Variants in CTNNA1 observed in about 807,000 individuals in gnomAD.
CTNNA1 encodes catenin alpha-1.
In CTNNA1, 37 loss-of-function variants were observed where a neutral mutation model predicts 98.4. The observed-to-expected ratio is 0.38, with a 90% CI of 0.29 to 0.49. The LOEUF (loss-of-function observed/expected upper bound fraction) is 0.49, where lower values mean the gene tolerates loss of function less well. Among genes scored for constraint, CTNNA1 ranks in the 20% least tolerant of loss-of-function variants. The pLI is 0.95. For synonymous variants in CTNNA1, 404 were observed against 413.2 expected (o/e 0.98, Z 0.27); for missense variants, 761 against 1,147.2 (o/e 0.66, Z 4.86).
At chr5:138,891,797 A>C (rs1005573767) in intron 9 of CTNNA1, among the ~76,000 whole-genome samples, 1 of 152,138 alleles carries the variant, frequency 6.6e-6, no homozygotes, top group Non-Finnish European at 1.5e-5. Context: ...AAAAACAAAA[A>C]ACCATAAGAT....
chr5:138,828,384 G>A (rs1760934951), intron 7 of CTNNA1, among the ~76,000 whole-genome samples: 1 of 151,624 alleles, frequency 6.6e-6, no homozygotes, highest in Non-Finnish European at 1.5e-5. Context: ...TTTTTTAAAA[G>A]GCCATAGAAA....
intron 9 of CTNNA1, among the ~76,000 whole-genome samples, chr5:138,895,530 T>A (rs961166488): frequency 2.6e-5 from 4 of 151,714 alleles, no homozygotes; most frequent in African/African-American, 9.7e-5. Context: ...GTGGCTAGAA[T>A]GAAGCTTTCA....
At chr5:138,905,111 A>AAAAAATACATACATAC (rs1554105203) in intron 10 of CTNNA1, among the ~76,000 whole-genome samples, 2 of 139,270 alleles carry the variant, frequency 1.4e-5, no homozygotes, top group Non-Finnish European at 1.5e-5. Context: ...AAAAAAAAAA[A>AAAAAATACATACATAC]ATACATACAT....
chr5:138,772,901 TA>T (rs1286182109), intron 1 of CTNNA1, among the ~76,000 whole-genome samples: 4 of 129,980 alleles, frequency 3.1e-5, no homozygotes, highest in Admixed American at 8.2e-5. Context: ...TTTCATTTTA[TA>T]GATAGATGAA....
rs56935188 is a variant in CTNNA1, at chr5:138,916,177, C to CA, written c.1390-1551dup. On this transcript the variant is annotated intron_variant, in intron 10 of 17. Coordinates refer to ENST00000302763, the MANE Select transcript of CTNNA1 (RefSeq NM_001903.5). ...GAGATAGAAAGCAAATTAGTGGTTG[C>CA]AAAAAAAAAAAAAAGAAGGGGCTAA... Among the ~76,000 whole-genome samples the CA allele has an allele frequency of 4.6e-3, 527 of 115,062 alleles. 9 individuals carry two copies. Among genetic ancestry groups the CA allele is most frequent in the African/African-American group, 0.012 (330 of 28,036 alleles). 75.5% of individuals were successfully genotyped at this position (115,062 alleles called of 152,430 possible). A position where few individuals can be genotyped will look rare whatever the true frequency, so the allele number is the denominator to read the frequency against.
chr5:138,791,342 G>A (rs1756333828), intron 3 of CTNNA1, among the ~76,000 whole-genome samples: 1 of 151,940 alleles, frequency 6.6e-6, no homozygotes. Flanking sequence ...ATGTCGGCCG[G>A]GTGCGGTGGC....
At chr5:138,892,331 T>G (rs1372296000) in intron 9 of CTNNA1, among the ~76,000 whole-genome samples, 1 of 63,270 alleles carries the variant, frequency 1.6e-5, no homozygotes, top group Non-Finnish European at 3.6e-5. Flanking sequence ...TAGCTTAGTT[T>G]TTTTTTTTTT....
At chr5:138,863,501 C>A (rs10036722) in intron 7 of CTNNA1, among the ~76,000 whole-genome samples, 3 of 152,198 alleles carry the variant, frequency 2.0e-5, no homozygotes, top group African/African-American at 7.2e-5. Flanking sequence ...CTGCCCCAGG[C>A]CCCCAAAGTG....
At chr5:138,815,368 G>C (rs187957745) in intron 5 of CTNNA1, among the ~76,000 whole-genome samples, 1 of 152,080 alleles carries the variant, frequency 6.6e-6, no homozygotes, top group African/African-American at 2.4e-5. Flanking sequence ...CTCTGCCCCA[G>C]GAACCTAACC....
chr5:138,930,654 G>T lies in CTNNA1; in HGVS notation c.2192G>T (p.Arg731Leu). ...ATGATGGAGATGACAGACTTTACCC[G>T]GTGAGCAGCACCCCGGCCCCACCAG... ...MIMMEMTDFT[R>L]GKGPLKNTSD... is the part of the protein sequence containing the mutation. The change falls in exon 15 of 18, where the codon CGA becomes CTA. Residue 731 changes from arginine to leucine, a missense_variant and splice_region_variant. This residue lies in a region of CTNNA1 where 77 missense variants were observed against 198.8 expected (regional missense o/e 0.39). Transcript: ENST00000302763. 6.2e-7 allele frequency: 1 copy of T among 1,610,854 alleles called. No homozygotes were observed. Among genetic ancestry groups the T allele is most frequent in the Non-Finnish European group, 8.5e-7 (1 of 1,178,110 alleles).
At position 138,824,452 on chromosome 5, in the gene CTNNA1, G is replaced by A. The variant is rs545690105; in HGVS notation, c.589-78G>A. On this transcript the variant is annotated intron_variant, in intron 5 of 17. Transcript: ENST00000302763. ...AATTAATAGAAATTCTAACTTTTCA[G>A]CATTTACCAGCAAATTTTTATATGA... 25 of 1,482,530 alleles carry A rather than the reference G, an allele frequency of 1.7e-5. No individual in the cohort carries two copies. The South Asian group carries it at 1.7e-4, about 10-fold the overall frequency. 91.8% of individuals were successfully genotyped at this position (1,482,530 alleles called of 1,614,324 possible).
At chr5:138,811,753 CAAA>C (rs1245880886) in intron 4 of CTNNA1, among the ~76,000 whole-genome samples, 1 of 151,976 alleles carries the variant, frequency 6.6e-6, no homozygotes. Context: ...CCGTCTCCAC[CAAA>C]AAAATACGAA....
At chr5:138,755,866 TTTTTTTTTTTTTTTG>T (rs1751588146) in intron 1 of CTNNA1, among the ~76,000 whole-genome samples, 2 of 124,070 alleles carry the variant, frequency 1.6e-5, no homozygotes, top group African/African-American at 3.4e-5. Flanking sequence ...TTTTTTTTTT[TTTTTTTTTTTTTTTG>T]ATGGAGTCTC....
At chr5:138,754,561 A>T (rs1264681547) in intron 1 of CTNNA1, 1 of 152,226 alleles carries the variant, frequency 6.6e-6, no homozygotes, top group African/African-American at 2.4e-5. Flanking sequence ...TTGTTGGGAC[A>T]GGATAGGCAT....
intron 10 of CTNNA1, among the ~76,000 whole-genome samples, chr5:138,908,244 C>T (rs1429433838): frequency 1.3e-5 from 2 of 152,188 alleles, no homozygotes; most frequent in Admixed American, 6.5e-5. Flanking sequence ...GCATGAGTCA[C>T]TGTGCCCGGC....
chr5:138,774,644 C>T (rs1296518761), intron 1 of CTNNA1, among the ~76,000 whole-genome samples: 5 of 149,928 alleles, frequency 3.3e-5, no homozygotes, highest in Non-Finnish European at 7.4e-5. Context: ...TTTTTTGAGG[C>T]GGAGTCTCGC....
chr5:138,927,710 TAATG>T (rs749302365), intron 13 of CTNNA1, among the ~76,000 whole-genome samples: 3,219 of 151,022 alleles, frequency 0.021, 84 homozygotes, highest in African/African-American at 0.056. Flanking sequence ...GGCAGAGAGA[TAATG>T]AATGAATGAA....
intron 5 of CTNNA1, among the ~76,000 whole-genome samples, chr5:138,817,300 T>A (rs1759532995): frequency 6.6e-6 from 1 of 152,238 alleles, no homozygotes; most frequent in African/African-American, 2.4e-5. Context: ...CTTGATGCTT[T>A]TCACTTGCTG....
intron 1 of CTNNA1, among the ~76,000 whole-genome samples, chr5:138,764,789 G>A (rs1752733464): frequency 6.6e-6 from 1 of 151,040 alleles, no homozygotes; most frequent in African/African-American, 2.4e-5. Flanking sequence ...TTTATTTCGG[G>A]TCTTTAAGAC....
Sources: allele counts gnomAD v4.1 joint callset (sites outside exome capture counted in the v4.1 genomes callset), GRCh38; gene constraint gnomAD v4.1.1; regional missense constraint gnomAD v4.1.1; transcripts MANE v1.5; gene names NCBI Gene and HGNC (gene_info 2026-07-23, HGNC 2026-07-21).